The following HDHD2 variants were observed in gnomAD, a reference collection of about 807,000 sequenced individuals.
The protein encoded by HDHD2 is haloacid dehalogenase-like hydrolase domain-containing protein 2.
In HDHD2, 26 loss-of-function variants were observed where a neutral mutation model predicts 24.8. That is an observed-to-expected ratio of 1.05 (90% CI 0.77 to 1.45). HDHD2 has a LOEUF of 1.45. HDHD2 is among the 40% of genes most tolerant of loss of function. The probability of loss-of-function intolerance (pLI) is 0.00; values close to 1 mark genes in which losing one functional copy is unlikely to be tolerated. For synonymous variants in HDHD2, 128 were observed against 114.9 expected (o/e 1.11, Z -0.73); for missense variants, 299 against 313.4 (o/e 0.95, Z 0.35).
intron 1 of HDHD2, 174 bp downstream of exon 1, chr18:47,150,204 G>A (rs886764718): frequency 9.8e-5 from 15 of 152,308 alleles, no homozygotes; most frequent in African/African-American, 3.6e-4. Flanking sequence ...CTGCAAAGAG[G>A]GCGGTTCCGA....
At chr18:47,148,879 G>T (rs1305048950) in intron 1 of HDHD2, among the ~76,000 whole-genome samples, 2 of 152,176 alleles carry the variant, frequency 1.3e-5, no homozygotes, top group African/African-American at 4.8e-5. Flanking sequence ...AGTGGTTAAG[G>T]ACAAGAACAA....
intron 3 of HDHD2, among the ~76,000 whole-genome samples, chr18:47,132,192 T>C (rs1184702430): frequency 6.6e-6 from 1 of 152,198 alleles, no homozygotes; most frequent in African/African-American, 2.4e-5. Flanking sequence ...ATACAGAAAA[T>C]GTGTAAAGAT....
intron 3 of HDHD2, among the ~76,000 whole-genome samples, chr18:47,131,730 CTATA>C (rs2063715474): frequency 6.6e-6 from 1 of 151,810 alleles, no homozygotes; most frequent in African/African-American, 2.4e-5. Flanking sequence ...TTGCTTTTTC[CTATA>C]TATACCTTTA....
intron 4 of HDHD2, among the ~76,000 whole-genome samples, chr18:47,123,502 G>A (rs576336800): frequency 3.9e-5 from 6 of 152,194 alleles, no homozygotes; most frequent in South Asian, 2.1e-4. Context: ...CAGAAGAATC[G>A]CTTGAACCTG....
chr18:47,114,885 A>G (rs1444200889), intron 5 of HDHD2, among the ~76,000 whole-genome samples: 1 of 151,622 alleles, frequency 6.6e-6, no homozygotes, highest in African/African-American at 2.4e-5. Context: ...CTACATATAT[A>G]TATGTATCAT....
intron 4 of HDHD2, among the ~76,000 whole-genome samples, chr18:47,121,645 T>C (rs1028576276): frequency 6.6e-6 from 1 of 152,178 alleles, no homozygotes; most frequent in Non-Finnish European, 1.5e-5. Context: ...CTTTAATAGC[T>C]TCTCATGGCA....
At chr18:47,130,555 T>C (rs902999179) in intron 3 of HDHD2, among the ~76,000 whole-genome samples, 2 of 152,190 alleles carry the variant, frequency 1.3e-5, no homozygotes, top group Non-Finnish European at 2.9e-5. Flanking sequence ...CTAATATTTT[T>C]CCATATTCCT....
chr18:47,136,729 TA>T (rs1243175364), intron 1 of HDHD2, among the ~76,000 whole-genome samples: 1 of 152,230 alleles, frequency 6.6e-6, no homozygotes, highest in Admixed American at 6.5e-5. Flanking sequence ...TTCAGGTTTT[TA>T]AAAAGAACTC....
chr18:47,113,134 T>C, intron 5 of HDHD2, 94 bp from the exon 6 acceptor site: 1 of 929,976 alleles, frequency 1.1e-6, no homozygotes, highest in Non-Finnish European at 1.7e-6. Flanking sequence ...GGTGTCCAAC[T>C]GTAATGCCAT....
intron 6 of HDHD2, chr18:47,110,501 G>A (rs1278420953): frequency 1.0e-6 from 1 of 984,578 alleles, no homozygotes; most frequent in Admixed American, 6.2e-5. Context: ...TGGATCCAGT[G>A]GTCTAAGAGA....
At chr18:47,148,075 C>G (rs1436401394) in intron 1 of HDHD2, among the ~76,000 whole-genome samples, 1 of 151,200 alleles carries the variant, frequency 6.6e-6, no homozygotes, top group Non-Finnish European at 1.5e-5. Context: ...ACTGCAACCT[C>G]TGCCTCCCCG....
chr18:47,142,812 C>G (rs2063831929), intron 1 of HDHD2, among the ~76,000 whole-genome samples: 1 of 152,128 alleles, frequency 6.6e-6, no homozygotes, highest in African/African-American at 2.4e-5. Flanking sequence ...AACCAAGGTC[C>G]AGATAATGTC....
At chr18:47,148,182 G>A (rs1310013434) in intron 1 of HDHD2, among the ~76,000 whole-genome samples, 3 of 151,944 alleles carry the variant, frequency 2.0e-5, no homozygotes, top group Non-Finnish European at 4.4e-5. Flanking sequence ...GTAGAGACGG[G>A]GTTTCACCAC....
At chr18:47,132,939 T>G (rs901438868) in intron 3 of HDHD2, among the ~76,000 whole-genome samples, 2 of 152,220 alleles carry the variant, frequency 1.3e-5, no homozygotes, top group South Asian at 2.1e-4. Context: ...AATTTAGTGG[T>G]GCCTGCATTG....
chr18:47,135,719 G>T (rs1459995267), intron 2 of HDHD2, among the ~76,000 whole-genome samples: 2 of 152,052 alleles, frequency 1.3e-5, no homozygotes, highest in Non-Finnish European at 2.9e-5. Context: ...GTGATTAGTT[G>T]ATTTTTTTTT....
At chr18:47,119,239 G>C (rs2571007) in intron 4 of HDHD2, among the ~76,000 whole-genome samples, 1 of 151,928 alleles carries the variant, frequency 6.6e-6, no homozygotes, top group East Asian at 1.9e-4. Flanking sequence ...TGCTGCATCA[G>C]TTTAATCTTC....
intron 1 of HDHD2, among the ~76,000 whole-genome samples, chr18:47,149,322 A>G (rs933943429): frequency 2.0e-5 from 3 of 152,190 alleles, no homozygotes; most frequent in Non-Finnish European, 4.4e-5. Context: ...GGGCGCTACA[A>G]AACATGCCTC....
chr18:47,135,225 CCTGGCA>C (rs1288773314), intron 2 of HDHD2, among the ~76,000 whole-genome samples: 1 of 151,634 alleles, frequency 6.6e-6, no homozygotes, highest in Non-Finnish European at 1.5e-5. Context: ...TGCCCTAATA[CCTGGCA>C]CTGTGATATG....
At position 47,115,142 on chromosome 18, in the gene HDHD2, A is replaced by T; in HGVS notation, c.602T>A (p.Met201Lys). 1 of 1,612,992 alleles carries T rather than the reference A, an allele frequency of 6.2e-7. No individual in the cohort carries two copies. Among genetic ancestry groups the T allele is most frequent in the Non-Finnish European group, 8.5e-7 (1 of 1,179,400 alleles). ...GTGCEPEEAV[M>K]IGDDCRDDVG... is the part of the protein sequence containing the mutation. Reference sequence around the variant, plus strand: ...GGTTCTTCTACTTACATCTCCTATCATGACAGCCTCCTCAGGTTCACAGCC... The same window carrying T: ...GGTTCTTCTACTTACATCTCCTATCTTGACAGCCTCCTCAGGTTCACAGCC... Residue 201 changes from methionine to lysine, a missense_variant, in exon 5 of 7, where the codon ATG becomes AAG. Transcript: ENST00000300605.
Sources: allele counts gnomAD v4.1 joint callset (sites outside exome capture counted in the v4.1 genomes callset), GRCh38; gene constraint gnomAD v4.1.1; transcripts MANE v1.5; gene names NCBI Gene and HGNC (gene_info 2026-07-23, HGNC 2026-07-21).